ZPBP: variants seen among roughly 807,000 people sequenced by gnomAD.
ZPBP encodes the protein zona pellucida binding protein.
In ZPBP, 26 loss-of-function variants were observed where a neutral mutation model predicts 44.8. That is an observed-to-expected ratio of 0.58 (90% CI 0.43 to 0.81). ZPBP has a LOEUF of 0.81. Among genes scored for constraint, ZPBP ranks in the 30% least tolerant of loss-of-function variants. The pLI is 0.00. For missense variants in ZPBP, 409 were observed against 434.0 expected (o/e 0.94, Z 0.51); for synonymous variants, 174 against 153.2 (o/e 1.14, Z -1.00).
chr7:50,060,038 G>A (rs1244457691), intron 3 of ZPBP, among the ~76,000 whole-genome samples: 9 of 152,154 alleles, frequency 5.9e-5, no homozygotes, highest in East Asian at 1.9e-4. Flanking sequence ...CTAGGGAACC[G>A]TCACAGGGTA....
intron 2 of ZPBP, among the ~76,000 whole-genome samples, chr7:49,873,906 TAAAA>T (rs11326386): frequency 3.5e-4 from 51 of 146,458 alleles, no homozygotes; most frequent in African/African-American, 1.1e-3. Flanking sequence ...TATAATTAAG[TAAAA>T]AAAAAAAACA....
chr7:49,941,216 T>C (rs1485124935), intron 7 of ZPBP, among the ~76,000 whole-genome samples: 1 of 152,140 alleles, frequency 6.6e-6, no homozygotes, highest in African/African-American at 2.4e-5. Context: ...GAAGCTACTA[T>C]GAAAAACAAT....
chr7:49,858,456 C>CA (rs1368082171), intron 2 of ZPBP, among the ~76,000 whole-genome samples: 2 of 149,086 alleles, frequency 1.3e-5, no homozygotes, highest in South Asian at 2.1e-4. Flanking sequence ...ATCGCAAGGA[C>CA]AAAAAACCAA....
At chr7:49,907,010 T>G (rs1313201408) in intron 1 of ZPBP, among the ~76,000 whole-genome samples, 1 of 152,168 alleles carries the variant, frequency 6.6e-6, no homozygotes, top group Admixed American at 6.5e-5. Flanking sequence ...ATAGAGTCCA[T>G]GTTGAATAAA....
At chr7:50,092,948 A>G in intron 1 of ZPBP, 120 bp downstream of exon 1, 1 of 1,390,494 alleles carries the variant, frequency 7.2e-7, no homozygotes, top group Non-Finnish European at 9.5e-7. Context: ...CTTGTCACGT[A>G]TTAGTGAGCA....
At chr7:49,903,504 A>G (rs1385442820) in intron 1 of ZPBP, among the ~76,000 whole-genome samples, 2 of 152,182 alleles carry the variant, frequency 1.3e-5, no homozygotes, top group African/African-American at 4.8e-5. Context: ...TTTTGATACT[A>G]TATGATTCCA....
chr7:49,962,236 C>T (rs1180208693), intron 7 of ZPBP, among the ~76,000 whole-genome samples: 1 of 151,426 alleles, frequency 6.6e-6, no homozygotes, highest in Non-Finnish European at 1.5e-5. Context: ...AATATAGACA[C>T]AAAAATCCTT....
At chr7:49,857,912 C>T (rs1472890943) in intron 2 of ZPBP, among the ~76,000 whole-genome samples, 1 of 152,148 alleles carries the variant, frequency 6.6e-6, no homozygotes, top group Non-Finnish European at 1.5e-5. Context: ...TTTGGTGTTT[C>T]CACAGGTCTA....
At chr7:49,912,304 G>T (rs1793498980) in intron 1 of ZPBP, 6 of 1,094,004 alleles carry the variant, frequency 5.5e-6, no homozygotes, top group Non-Finnish European at 7.6e-6. Context: ...ATGGAAAATT[G>T]TTGGTACTTT....
chr7:49,930,119 A>G (rs1344798401), intron 1 of ZPBP, among the ~76,000 whole-genome samples: 6 of 152,172 alleles, frequency 3.9e-5, no homozygotes, highest in Non-Finnish European at 8.8e-5. Flanking sequence ...GCCTGGAGGC[A>G]TAAGAGCACC....
At chr7:49,938,131 C>T (rs1374221940) in intron 7 of ZPBP, among the ~76,000 whole-genome samples, 1 of 152,074 alleles carries the variant, frequency 6.6e-6, no homozygotes, top group Non-Finnish European at 1.5e-5. Context: ...GTTGGGGACC[C>T]CTGCTTTAAG....
intron 1 of ZPBP, among the ~76,000 whole-genome samples, chr7:49,903,603 T>C (rs1792898740): frequency 6.6e-6 from 1 of 152,176 alleles, no homozygotes; most frequent in Non-Finnish European, 1.5e-5. Context: ...CCAGAGAAGG[T>C]GCAGTGTGAC....
chr7:49,973,332 GAAA>G (rs201631193), intron 7 of ZPBP, among the ~76,000 whole-genome samples: 1 of 148,072 alleles, frequency 6.8e-6, no homozygotes, highest in African/African-American at 2.5e-5. Context: ...GGCAACAAAA[GAAA>G]AAAAAATGGA....
chr7:49,937,463 T>A lies in ZPBP; in HGVS notation c.*65A>T. On this transcript the variant is annotated 3_prime_UTR_variant, in exon 8 of 8. Transcript: ENST00000046087. ...TGATTAATTTTGGCATAATAATTTA[T>A]TATGTTAATATTTCAAATATATACT... 1 of 1,208,670 alleles carries A rather than the reference T, an allele frequency of 8.3e-7. No individual in the cohort carries two copies. Among genetic ancestry groups the A allele is most frequent in the East Asian group, 2.4e-5 (1 of 41,794 alleles). The allele number at this position is 1,208,670 out of a possible 1,614,324, so 74.9% of individuals were successfully genotyped here.
rs1318318377 is a variant in ZPBP at position 50,089,725 on chromosome 7, A to G, written c.128-16T>C. On this transcript the variant is annotated splice_polypyrimidine_tract_variant and intron_variant, in intron 1 of 7. Transcript: ENST00000046087. ...AAGTGTCCAACTATCAAAAAAAAAG[A>G]TCAACAATTTGTCTCATTAGATATT... is the stretch of plus-strand genomic sequence containing the variant. 4 of 1,588,740 alleles carry G rather than the reference A, an allele frequency of 2.5e-6. No individual in the cohort carries two copies. The highest frequency in any genetic ancestry group is 3.4e-6 in the Non-Finnish European group (4 of 1,159,968).
chr7:50,051,295 G>A (rs1351868664), intron 4 of ZPBP, among the ~76,000 whole-genome samples: 2 of 152,132 alleles, frequency 1.3e-5, no homozygotes, highest in Non-Finnish European at 1.5e-5. Context: ...AGATGCTGTC[G>A]AGGTTGAGGA....
At chr7:49,999,452 G>C (rs2128793602) in intron 6 of ZPBP, among the ~76,000 whole-genome samples, 1 of 152,138 alleles carries the variant, frequency 6.6e-6, no homozygotes, top group Non-Finnish European at 1.5e-5. Context: ...AATACAAGGA[G>C]TAGATCTCCA....
At chr7:49,863,586 C>T (rs556825238) in intron 2 of ZPBP, among the ~76,000 whole-genome samples, 1 of 152,124 alleles carries the variant, frequency 6.6e-6, no homozygotes, top group Non-Finnish European at 1.5e-5. Flanking sequence ...TGTGCACCAC[C>T]ATGCCCAGAT....
At chr7:49,893,760 T>A (rs1158646331) in intron 2 of ZPBP, among the ~76,000 whole-genome samples, 2 of 152,196 alleles carry the variant, frequency 1.3e-5, no homozygotes, top group Admixed American at 1.3e-4. Context: ...TGGGAAATTT[T>A]ACATTTGGCA....
Sources: gnomAD v4.1 joint callset for allele counts (sites outside exome capture counted in the v4.1 genomes callset) on GRCh38, gnomAD v4.1.1 for gene constraint, MANE v1.5 for transcripts, NCBI Gene and HGNC (gene_info 2026-07-23, HGNC 2026-07-21) for gene names.